The following SLC22A3 variants were observed in gnomAD, a reference collection of about 807,000 sequenced individuals.
SLC22A3 encodes the protein EMT organic cation transporter 3.
A neutral mutation model predicts 59.1 loss-of-function variants in SLC22A3; 51 were observed. The observed-to-expected ratio is 0.86, with a 90% confidence interval of 0.69 to 1.09. SLC22A3 has a LOEUF of 1.09. Ranked by LOEUF, SLC22A3 falls within the 50% of genes least tolerant of loss-of-function variation. The pLI, the probability that SLC22A3 is intolerant of heterozygous loss-of-function variation, is 0.00. For synonymous variants in SLC22A3, 325 were observed against 292.0 expected, an observed-to-expected ratio of 1.11 and a Z score of -1.15; for missense variants, 711 against 726.3, an observed-to-expected ratio of 0.98 and a Z score of 0.24.
chr6:160,348,566 C>A lies in SLC22A3; in HGVS notation c.147C>A (p.Tyr49Ter). 1 of 1,542,560 alleles carries A rather than the reference C, an allele frequency of 6.5e-7. No individual in the cohort carries two copies. The highest frequency in any genetic ancestry group is 1.2e-5 in the South Asian group (1 of 84,594). ...VVFLGTQPDH[Y>*]WCRGPSAAAL... ...TCCTGGGCACGCAGCCCGACCACTA[C>A]TGGTGCCGCGGGCCAAGTGCCGCGG... Residue 49 changes from tyrosine to a stop codon, truncating the protein, a stop_gained, in exon 1 of 11, where the codon TAC (tyrosine) becomes TAA (stop). Transcript: ENST00000275300. LOFTEE classifies it high-confidence loss of function.
intron 2 of SLC22A3, among the ~76,000 whole-genome samples, chr6:160,401,693 G>A (rs1324579299): frequency 6.6e-6 from 1 of 151,816 alleles, no homozygotes; most frequent in East Asian, 1.9e-4. Flanking sequence ...CAATGTGTTT[G>A]GTTGTGTATG....
At chr6:160,416,814 GT>G (rs1394460037) in intron 5 of SLC22A3, among the ~76,000 whole-genome samples, 1 of 152,212 alleles carries the variant, frequency 6.6e-6, no homozygotes, top group Non-Finnish European at 1.5e-5. Context: ...CTGTGTGCAA[GT>G]GTGAATAATG....
intron 2 of SLC22A3, among the ~76,000 whole-genome samples, chr6:160,401,267 A>G (rs1786770142): frequency 6.6e-6 from 1 of 152,076 alleles, no homozygotes; most frequent in African/African-American, 2.4e-5. Flanking sequence ...TAGTCAAACT[A>G]CAGAAAGCCA....
chr6:160,369,771 C>G (rs375758442), intron 1 of SLC22A3, among the ~76,000 whole-genome samples: 16 of 152,184 alleles, frequency 1.1e-4, no homozygotes, highest in Admixed American at 5.2e-4. Flanking sequence ...TATTGTTGTG[C>G]GACAAATTAT....
At chr6:160,435,947 G>A (rs1205933924) in intron 5 of SLC22A3, among the ~76,000 whole-genome samples, 2 of 152,178 alleles carry the variant, frequency 1.3e-5, no homozygotes, top group Non-Finnish European at 2.9e-5. Flanking sequence ...GGGGAGTGCT[G>A]TTGTACAGGT....
At chr6:160,375,434 A>G (rs1785554622) in intron 1 of SLC22A3, among the ~76,000 whole-genome samples, 2 of 152,182 alleles carry the variant, frequency 1.3e-5, no homozygotes. Flanking sequence ...AAAAGCTTAC[A>G]CATTTCCTAG....
At chr6:160,429,776 C>A (rs564349515) in intron 5 of SLC22A3, among the ~76,000 whole-genome samples, 4 of 151,824 alleles carry the variant, frequency 2.6e-5, no homozygotes, top group Non-Finnish European at 5.9e-5. Context: ...CCTGGTAGAT[C>A]CACAGTTCCA....
intron 1 of SLC22A3, among the ~76,000 whole-genome samples, chr6:160,353,016 T>C (rs1466612799): frequency 1.3e-5 from 2 of 152,182 alleles, no homozygotes; most frequent in African/African-American, 4.8e-5. Flanking sequence ...AGACAGGGTT[T>C]CAGCATATTG....
At chr6:160,399,439 C>A (rs11966995) in intron 2 of SLC22A3, among the ~76,000 whole-genome samples, 2,985 of 152,140 alleles carry the variant, frequency 0.02, 90 homozygotes, top group Middle Eastern at 0.11. Flanking sequence ...CAGTCAATAA[C>A]CATATCTCCA....
intron 5 of SLC22A3, chr6:160,426,168 C>T: frequency 4.1e-6 from 4 of 985,382 alleles, no homozygotes; most frequent in Non-Finnish European, 4.8e-6. Flanking sequence ...TTCAGCTATA[C>T]CTGACTTTCT....
intron 2 of SLC22A3, 46 bp downstream of exon 2, chr6:160,398,128 C>A (rs370669325): frequency 7.6e-7 from 1 of 1,322,104 alleles, no homozygotes. Flanking sequence ...TAATACCATG[C>A]ATTAATACGG....
chr6:160,448,566 A>G (rs897770413), intron 10 of SLC22A3, among the ~76,000 whole-genome samples: 3 of 152,200 alleles, frequency 2.0e-5, no homozygotes, highest in Non-Finnish European at 4.4e-5. Flanking sequence ...GTAGGAAGAT[A>G]GAGAGATTGA....
intron 1 of SLC22A3, among the ~76,000 whole-genome samples, chr6:160,351,592 A>C (rs577392387): frequency 4.6e-5 from 7 of 152,294 alleles, no homozygotes; most frequent in Non-Finnish European, 7.4e-5. Context: ...TTTTTCTTTC[A>C]AATTCTGTCT....
intron 1 of SLC22A3, among the ~76,000 whole-genome samples, chr6:160,371,450 A>G (rs1309011638): frequency 2.6e-5 from 4 of 151,966 alleles, no homozygotes; most frequent in Non-Finnish European, 4.4e-5. Context: ...TTCTGTTCCC[A>G]TGTTAGTTTG....
chr6:160,437,670 A>G (rs1398026607), intron 7 of SLC22A3, among the ~76,000 whole-genome samples: 2 of 152,212 alleles, frequency 1.3e-5, no homozygotes, highest in Non-Finnish European at 2.9e-5. Context: ...ATTGTCATGA[A>G]TTATTTGTGA....
chr6:160,364,398 T>C (rs1353988168), intron 1 of SLC22A3, among the ~76,000 whole-genome samples: 1 of 152,238 alleles, frequency 6.6e-6, no homozygotes, highest in African/African-American at 2.4e-5. Flanking sequence ...GCAGCCTTCA[T>C]GGTGGCACCA....
chr6:160,414,978 T>C (rs983040922), intron 5 of SLC22A3, among the ~76,000 whole-genome samples: 1 of 152,192 alleles, frequency 6.6e-6, no homozygotes, highest in African/African-American at 2.4e-5. Context: ...AATACCTCCT[T>C]GCTCTTTAGC....
intron 7 of SLC22A3, among the ~76,000 whole-genome samples, chr6:160,439,962 C>G (rs893274513): frequency 6.6e-6 from 1 of 152,204 alleles, no homozygotes; most frequent in African/African-American, 2.4e-5. Context: ...TAGTAGGTCG[C>G]CAGCCCCTGG....
At chr6:160,426,902 G>A (rs1394314880) in intron 5 of SLC22A3, among the ~76,000 whole-genome samples, 2 of 152,168 alleles carry the variant, frequency 1.3e-5, no homozygotes, top group African/African-American at 2.4e-5. Context: ...TGTGTCTACC[G>A]CACTAGTGGG....
Sources: gnomAD v4.1 joint callset for allele counts (sites outside exome capture counted in the v4.1 genomes callset) on GRCh38, gnomAD v4.1.1 for gene constraint, MANE v1.5 for transcripts, NCBI Gene and HGNC (gene_info 2026-07-23, HGNC 2026-07-21) for gene names.